CNTN5: variants seen among roughly 807,000 people sequenced by gnomAD.
CNTN5 encodes contactin 5, also known as contactin-5.
A neutral mutation model predicts 129.1 loss-of-function variants in CNTN5; 77 were observed. The observed-to-expected ratio is 0.60, with a 90% CI of 0.50 to 0.72. CNTN5 has a LOEUF of 0.72. Ranked by LOEUF, CNTN5 falls within the 30% of genes least tolerant of loss-of-function variation. CNTN5 has a pLI of 0.00. For synonymous variants in CNTN5, 509 were observed against 465.6 expected, an observed-to-expected ratio of 1.09 and a Z score of -1.20; for missense variants, 1,478 against 1,328.8, an observed-to-expected ratio of 1.11 and a Z score of -1.75.
intron 1 of CNTN5, among the ~76,000 whole-genome samples, chr11:99,225,184 G>A (rs1860614811): frequency 1.3e-5 from 2 of 152,148 alleles, no homozygotes; most frequent in Non-Finnish European, 2.9e-5. Flanking sequence ...GAGATGAAGA[G>A]TAATCGGCAG....
intron 4 of CNTN5, among the ~76,000 whole-genome samples, chr11:99,830,301 G>T (rs762567185): frequency 2.0e-5 from 3 of 152,082 alleles, no homozygotes; most frequent in Admixed American, 1.3e-4. Context: ...TAAACCCTCT[G>T]TGTCTACGCA....
chr11:99,769,476 A>G lies in CNTN5; in HGVS notation c.56-50068A>G, dbSNP rs116339216. 4.0e-3 allele frequency among the ~76,000 whole-genome samples: 613 copies of G among 152,218 alleles called. 9 individuals carry two copies. The highest frequency in any genetic ancestry group is 0.014 in the African/African-American group (577 of 41,542). On this transcript the variant is annotated intron_variant, in intron 3 of 24. Coordinates refer to ENST00000524871, the MANE Select transcript of CNTN5 (RefSeq NM_014361.4). Reference sequence around the variant, plus strand: ...GGTTTTTCCTCACCTCTCTCACTCTATAACTTGATCTCCCATTTCCTGTAA... The same window carrying G: ...GGTTTTTCCTCACCTCTCTCACTCTGTAACTTGATCTCCCATTTCCTGTAA...
At chr11:99,997,474 A>G (rs1035806680) in intron 8 of CNTN5, among the ~76,000 whole-genome samples, 4 of 152,236 alleles carry the variant, frequency 2.6e-5, no homozygotes, top group Admixed American at 1.3e-4. Flanking sequence ...GAATCTCTGA[A>G]TAGACCAACA....
intron 13 of CNTN5, among the ~76,000 whole-genome samples, chr11:100,101,815 G>A (rs1945234058): frequency 6.6e-6 from 1 of 152,218 alleles, no homozygotes; most frequent in Admixed American, 6.5e-5. Flanking sequence ...CCATGTATAT[G>A]TGAGAACATG....
At chr11:100,338,086 T>G (rs1372701629) in intron 21 of CNTN5, among the ~76,000 whole-genome samples, 1 of 152,160 alleles carries the variant, frequency 6.6e-6, no homozygotes, top group Non-Finnish European at 1.5e-5. Context: ...TAATTTAACA[T>G]TTATAAAAAC....
At chr11:100,132,119 C>T (rs1946396117) in intron 13 of CNTN5, among the ~76,000 whole-genome samples, 1 of 152,072 alleles carries the variant, frequency 6.6e-6, no homozygotes, top group Admixed American at 6.6e-5. Flanking sequence ...ATTTGGCTTC[C>T]TTCAACAATT....
chr11:99,433,372 T>TGTGTGC (rs1591049108), intron 2 of CNTN5, among the ~76,000 whole-genome samples: 3 of 1,548 alleles, frequency 1.9e-3, no homozygotes, highest in African/African-American at 3.0e-3. Context: ...AAAAAAAAAA[T>TGTGTGC]GTGTGTGTGT....
intron 6 of CNTN5, among the ~76,000 whole-genome samples, chr11:99,850,576 C>T (rs1453830502): frequency 6.6e-6 from 1 of 151,948 alleles, no homozygotes; most frequent in East Asian, 1.9e-4. Flanking sequence ...AATAATGTTA[C>T]TTTATTAACA....
intron 2 of CNTN5, among the ~76,000 whole-genome samples, chr11:99,548,669 G>T (rs780813530): frequency 6.6e-6 from 1 of 152,110 alleles, no homozygotes; most frequent in Non-Finnish European, 1.5e-5. Context: ...TCATTTGTTT[G>T]TATCTCACAG....
chr11:99,446,618 T>C (rs1257910941), intron 2 of CNTN5, among the ~76,000 whole-genome samples: 1 of 152,212 alleles, frequency 6.6e-6, no homozygotes. Flanking sequence ...CTGGTCTGTA[T>C]GCTAAATGAA....
At chr11:99,336,413 A>G (rs967724008) in intron 2 of CNTN5, among the ~76,000 whole-genome samples, 1 of 152,182 alleles carries the variant, frequency 6.6e-6, no homozygotes, top group Admixed American at 6.5e-5. Flanking sequence ...TTCTAATACT[A>G]TTACTGTGAA....
chr11:100,211,995 C>A (rs1380590764), intron 15 of CNTN5, among the ~76,000 whole-genome samples: 1 of 152,076 alleles, frequency 6.6e-6, no homozygotes, highest in Admixed American at 6.6e-5. Context: ...AAAAGGATGA[C>A]TTTCCCCCTA....
At chr11:99,153,815 C>CTTTTTTTTTTTTTTTTT (rs60782977) in intron 1 of CNTN5, among the ~76,000 whole-genome samples, 2 of 103,344 alleles carry the variant, frequency 1.9e-5, no homozygotes, top group African/African-American at 7.8e-5. Context: ...CTTTGAATGG[C>CTTTTTTTTTTTTTTTTT]TTTTTTTTTT....
chr11:99,265,728 A>G (rs1862853908), intron 1 of CNTN5, among the ~76,000 whole-genome samples: 1 of 152,060 alleles, frequency 6.6e-6, no homozygotes, highest in Non-Finnish European at 1.5e-5. Context: ...CAAATCATCC[A>G]TTACAACAGT....
intron 15 of CNTN5, among the ~76,000 whole-genome samples, chr11:100,208,380 C>T (rs931217202): frequency 2.6e-5 from 4 of 152,096 alleles, no homozygotes; most frequent in African/African-American, 7.2e-5. Flanking sequence ...CATCATCTGG[C>T]CATTGGCTGG....
At chr11:99,474,451 C>T (rs1450103317) in intron 2 of CNTN5, among the ~76,000 whole-genome samples, 2 of 151,900 alleles carry the variant, frequency 1.3e-5, no homozygotes, top group Non-Finnish European at 2.9e-5. Flanking sequence ...ACATATTATA[C>T]CATTAATTAT....
intron 3 of CNTN5, among the ~76,000 whole-genome samples, chr11:99,563,536 A>C (rs1440904315): frequency 6.6e-6 from 1 of 152,224 alleles, no homozygotes; most frequent in East Asian, 1.9e-4. Flanking sequence ...AGCATAACAA[A>C]TCAGCCCACA....
At chr11:99,249,030 G>A (rs1480893217) in intron 1 of CNTN5, among the ~76,000 whole-genome samples, 2 of 152,060 alleles carry the variant, frequency 1.3e-5, no homozygotes, top group Non-Finnish European at 2.9e-5. Context: ...GATGGGGATG[G>A]CATTGAGTCT....
At chr11:99,254,175 G>C (rs1464694576) in intron 1 of CNTN5, among the ~76,000 whole-genome samples, 1 of 151,812 alleles carries the variant, frequency 6.6e-6, no homozygotes, top group East Asian at 1.9e-4. Context: ...GACTGGGGTG[G>C]TTGAACGTTA....
Sources: allele counts gnomAD v4.1 joint callset (sites outside exome capture counted in the v4.1 genomes callset), GRCh38; gene constraint gnomAD v4.1.1; transcripts MANE v1.5; gene names NCBI Gene and HGNC (gene_info 2026-07-23, HGNC 2026-07-21).